SLC25A42: variants seen among roughly 807,000 people sequenced by gnomAD.
SLC25A42 encodes the protein mitochondrial coenzyme A transporter SLC25A42.
A neutral mutation model predicts 34.7 loss-of-function variants in SLC25A42; 19 were observed. The observed-to-expected ratio is 0.55, with a 90% confidence interval of 0.38 to 0.80. The LOEUF (loss-of-function observed/expected upper bound fraction) is 0.80, where lower values mean the gene tolerates loss of function less well. Among genes scored for constraint, SLC25A42 ranks in the 30% least tolerant of loss-of-function variants. The pLI, the probability that SLC25A42 is intolerant of heterozygous loss-of-function variation, is 0.00. For synonymous variants in SLC25A42, 205 were observed against 191.2 expected, an observed-to-expected ratio of 1.07 and a Z score of -0.59; for missense variants, 364 against 441.3, an observed-to-expected ratio of 0.82 and a Z score of 1.57.
intron 2 of SLC25A42, among the ~76,000 whole-genome samples, chr19:19,098,780 C>T (rs2059778721): frequency 1.3e-5 from 2 of 152,136 alleles, no homozygotes; most frequent in African/African-American, 4.8e-5. Context: ...ATTAGCCAGG[C>T]AGGGTGGCGC....
intron 1 of SLC25A42, among the ~76,000 whole-genome samples, chr19:19,089,156 G>C (rs16995892): frequency 0.013 from 2,042 of 152,312 alleles, 42 homozygotes; most frequent in African/African-American, 0.044. Flanking sequence ...TGTACTTCCT[G>C]AAACAAAGCG....
intron 2 of SLC25A42, among the ~76,000 whole-genome samples, chr19:19,098,771 T>C (rs959245724): frequency 1.3e-5 from 2 of 151,974 alleles, no homozygotes; most frequent in African/African-American, 4.8e-5. Flanking sequence ...AATACAAAAA[T>C]TAGCCAGGCA....
chr19:19,103,824 C>T (rs1325211049), intron 3 of SLC25A42, among the ~76,000 whole-genome samples: 1 of 152,226 alleles, frequency 6.6e-6, no homozygotes, highest in Non-Finnish European at 1.5e-5. Context: ...GCATGGATAT[C>T]CGCTTCCTCC....
rs2059724968 is a variant in SLC25A42 at position 19,089,263 on chromosome 19, C to CACGCCTATAA, written c.-34-6827_-34-6818dup. 2.0e-5 allele frequency among the ~76,000 whole-genome samples: 3 copies of CACGCCTATAA among 152,172 alleles called. No individual in the cohort carries two copies. In the South Asian group the frequency reaches 6.2e-4, roughly 32 times the overall value. The stretch of plus-strand genomic sequence containing the variant: ...GATTCCAGGGCTGGGCGCGGGGCCT[C>CACGCCTATAA]ACGCCTATAATCCCAGTACTTTGGG... On this transcript the variant is annotated intron_variant, in intron 1 of 7. Coordinates refer to ENST00000318596, the MANE Select transcript of SLC25A42 (RefSeq NM_178526.5).
In SLC25A42 at chr19:19,109,708, C is replaced by T. The variant is rs1599693982; in HGVS notation, c.650-861C>T. ...TTGGCCTCCCAAAGTGCTGAGATTA[C>T]AGGCGTGAGTCACTGCACCCAGCCT... On this transcript the variant is annotated intron_variant, in intron 7 of 7. Transcript: ENST00000318596. This position sits in a 1 kb window ranked among gnomAD's most constrained non-coding sequence, Gnocchi z 4.1. 6.6e-6 allele frequency among the ~76,000 whole-genome samples: 1 copy of T among 152,164 alleles called. No individual in the cohort carries two copies. Among genetic ancestry groups the T allele is most frequent in the East Asian group, 1.9e-4 (1 of 5,196 alleles).
In SLC25A42 at chr19:19,064,042, G is replaced by C. The variant is rs1316843602; in HGVS notation, c.-108G>C. 6.5e-6 allele frequency: 1 copy of C among 153,180 alleles called. No individual in the cohort carries two copies. Among genetic ancestry groups the C allele is most frequent in the Non-Finnish European group, 1.5e-5 (1 of 68,674 alleles). 9.5% of individuals were successfully genotyped at this position (153,180 alleles called of 1,614,324 possible). On this transcript the variant is annotated 5_prime_UTR_variant, in exon 1 of 8. Transcript: ENST00000318596. ...GGTAGCGGCGGCGGCGACGCGTCCG[G>C]GCCGGTGAGGGGGCGCGGGGGGCGC... is the stretch of plus-strand genomic sequence containing the variant.
At chr19:19,084,188 G>T (rs1349499924) in intron 1 of SLC25A42, among the ~76,000 whole-genome samples, 4 of 151,636 alleles carry the variant, frequency 2.6e-5, no homozygotes, top group African/African-American at 9.7e-5. Flanking sequence ...AGTGTGCCCC[G>T]GCAGGCACCT....
chr19:19,086,479 G>A (rs1286836575), intron 1 of SLC25A42, among the ~76,000 whole-genome samples: 2 of 152,150 alleles, frequency 1.3e-5, no homozygotes, highest in South Asian at 2.1e-4. Context: ...CAGAGGCCAC[G>A]CAAACACCCT....
intron 2 of SLC25A42, among the ~76,000 whole-genome samples, chr19:19,101,044 G>A (rs1431342286): frequency 6.6e-6 from 1 of 152,118 alleles, no homozygotes; most frequent in Non-Finnish European, 1.5e-5. Flanking sequence ...GAGTCAGCAG[G>A]GGAAATGGAA....
Position 19,067,170 on chromosome 19 carries a change from A to T in SLC25A42, c.-35+3055A>T, listed in dbSNP as rs1366447515. ...GGTCTGTCCCATCTGATAGGTAAAA[A>T]ACAGCACAAGAGATCCTTTTGAACA... On this transcript the variant is annotated intron_variant, in intron 1 of 7. Transcript: ENST00000318596. Among the ~76,000 whole-genome samples, 7 of 152,134 alleles carry T rather than the reference A, an allele frequency of 4.6e-5. 1 individual carries two copies. Among genetic ancestry groups the T allele is most frequent in the Admixed American group, 4.6e-4 (7 of 15,254 alleles).
chr19:19,094,159 C>T (rs1213268334), intron 1 of SLC25A42, among the ~76,000 whole-genome samples: 1 of 152,214 alleles, frequency 6.6e-6, no homozygotes, highest in Non-Finnish European at 1.5e-5. Flanking sequence ...CCTTTCCAGA[C>T]TGCACTCTTT....
intron 6 of SLC25A42, 22 bp from the exon 7 acceptor site, chr19:19,107,872 C>T (rs1372751092): frequency 1.2e-6 from 2 of 1,613,428 alleles, no homozygotes; most frequent in Non-Finnish European, 1.7e-6. Flanking sequence ...GTCCCACCTG[C>T]TGGGCTGCTC....
In SLC25A42 at chr19:19,106,401, G is replaced by A. The variant is rs775050844; in HGVS notation, c.497+16G>A. On this transcript the variant is annotated intron_variant, in intron 6 of 7. Coordinates refer to ENST00000318596, the MANE Select transcript of SLC25A42 (RefSeq NM_178526.5). ...CGAAGGAAATGTGAGTCCTTACATC[G>A]GTGATGCGCATCAGCCCCGGGGGCT... 1 of 1,596,966 alleles carries A rather than the reference G, an allele frequency of 6.3e-7. No individual in the cohort carries two copies. The highest frequency in any genetic ancestry group is 8.6e-7 in the Non-Finnish European group (1 of 1,167,212).
At chr19:19,069,027 T>TAAAAAAAAA (rs5827428) in intron 1 of SLC25A42, among the ~76,000 whole-genome samples, 1 of 142,592 alleles carries the variant, frequency 7.0e-6, no homozygotes, top group East Asian at 2.0e-4. Flanking sequence ...TCTGTCTCTT[T>TAAAAAAAAA]AAAAAAAAAA....
At position 19,104,194 on chromosome 19, in the gene SLC25A42, T is replaced by A. The variant is rs1363215215; in HGVS notation, c.188-719T>A. Among the ~76,000 whole-genome samples the A allele has an allele frequency of 2.0e-5, 3 of 152,186 alleles. No homozygotes were observed. In the East Asian group the frequency reaches 5.8e-4, roughly 29 times the overall value. Reference sequence around the variant, plus strand: ...TCCCAGAGTGCTGGGATTACAGGTTTGAGCCACTGCACCTGGCCAGGGCAG... The same window carrying A: ...TCCCAGAGTGCTGGGATTACAGGTTAGAGCCACTGCACCTGGCCAGGGCAG... On this transcript the variant is annotated intron_variant, in intron 3 of 7. Coordinates refer to ENST00000318596, the MANE Select transcript of SLC25A42 (RefSeq NM_178526.5).
intron 1 of SLC25A42, among the ~76,000 whole-genome samples, chr19:19,087,785 G>A (rs1371409477): frequency 6.6e-6 from 1 of 152,252 alleles, no homozygotes; most frequent in Non-Finnish European, 1.5e-5. Context: ...TTCAGAGTTT[G>A]CAAGGGAGTC....
At chr19:19,099,744 T>C (rs1324397417) in intron 2 of SLC25A42, among the ~76,000 whole-genome samples, 1 of 152,054 alleles carries the variant, frequency 6.6e-6, no homozygotes, top group Non-Finnish European at 1.5e-5. Context: ...ATTTTTATTT[T>C]TTATTTTTTC....
chr19:19,069,828 C>CTT (rs775484703), intron 1 of SLC25A42, among the ~76,000 whole-genome samples: 28 of 139,808 alleles, frequency 2.0e-4, no homozygotes, highest in African/African-American at 2.9e-4. Flanking sequence ...ATCTCCTCTT[C>CTT]TTTTTTTTTT....
intron 1 of SLC25A42, among the ~76,000 whole-genome samples, chr19:19,064,579 C>T (rs919676351): frequency 2.0e-5 from 3 of 151,230 alleles, no homozygotes; most frequent in Admixed American, 1.3e-4. Context: ...CTAGTCCCGT[C>T]CCCCACTGCC....
Sources: gnomAD v4.1 joint callset for allele counts (sites outside exome capture counted in the v4.1 genomes callset) on GRCh38, gnomAD v4.1.1 for gene constraint, Gnocchi (gnomAD v3.1) non-coding constraint, MANE v1.5 for transcripts, NCBI Gene and HGNC (gene_info 2026-07-23, HGNC 2026-07-21) for gene names.